SPECC1L: variants seen among roughly 807,000 people sequenced by gnomAD.
SPECC1L encodes sperm antigen with calponin homology and coiled-coil domains 1 like, also known as cytospin-A.
SPECC1L carries 40 observed loss-of-function variants against 116.8 expected under a neutral mutation model. That is an observed-to-expected ratio of 0.34 (90% CI 0.27 to 0.45). The LOEUF is 0.45. Ranked by LOEUF, SPECC1L falls within the 20% of genes least tolerant of loss-of-function variation. SPECC1L has a pLI of 1.00. For synonymous variants in SPECC1L, 504 were observed against 500.6 expected, an observed-to-expected ratio of 1.01 and a Z score of -0.09; for missense variants, 1,110 against 1,373.6, an observed-to-expected ratio of 0.81 and a Z score of 3.03.
chr22:24,414,625 C>A lies in SPECC1L; in HGVS notation c.*2C>A. ...ATCTACAAGTACTTTGAGACCTGAGCATGCCGGGAGGAGCCGCCCCAATAG... is the reference window on the plus strand; with the variant it reads ...ATCTACAAGTACTTTGAGACCTGAGAATGCCGGGAGGAGCCGCCCCAATAG... On this transcript the variant is annotated 3_prime_UTR_variant, in exon 17 of 17. Transcript: ENST00000314328. The A allele has an allele frequency of 1.2e-6, 2 of 1,613,656 alleles. No homozygotes were observed. Among genetic ancestry groups the A allele is most frequent in the Non-Finnish European group, 1.7e-6 (2 of 1,179,864 alleles).
Position 24,414,742 on chromosome 22 carries a change from C to A in SPECC1L, c.*119C>A. 9.5e-6 allele frequency: 8 copies of A among 840,038 alleles called. No homozygotes were observed. The South Asian group carries it at 1.0e-4, about 10-fold the overall frequency. 52.0% of individuals were successfully genotyped at this position (840,038 alleles called of 1,614,324 possible). A position where few individuals can be genotyped will look rare whatever the true frequency, so the allele number is the denominator to read the frequency against. On this transcript the variant is annotated 3_prime_UTR_variant, in exon 17 of 17. Transcript: ENST00000314328. ...CCAGCAACTCTGGGCTGCCCCACAGCGTGTGAGCCTCCAGCTCGGGGCTTC... is the reference window on the plus strand; with the variant it reads ...CCAGCAACTCTGGGCTGCCCCACAGAGTGTGAGCCTCCAGCTCGGGGCTTC...
At chr22:24,333,771 C>T (rs2040988945) in intron 8 of SPECC1L, among the ~76,000 whole-genome samples, 1 of 151,954 alleles carries the variant, frequency 6.6e-6, no homozygotes, top group Non-Finnish European at 1.5e-5. Context: ...CAGCACAGGA[C>T]CTGGAGAGTC....
chr22:24,347,288 G>C, intron 11 of SPECC1L, 112 bp downstream of exon 11: 1 of 773,414 alleles, frequency 1.3e-6, no homozygotes, highest in South Asian at 1.5e-5. Context: ...AATCAATCTG[G>C]TATACCTTTG....
At chr22:24,401,437 C>T (rs924376407) in intron 14 of SPECC1L, among the ~76,000 whole-genome samples, 2 of 152,214 alleles carry the variant, frequency 1.3e-5, no homozygotes, top group African/African-American at 4.8e-5. Context: ...GACTGGCTGC[C>T]TCTTTCTGTG....
At chr22:24,367,308 G>A (rs2041789461) in intron 13 of SPECC1L, among the ~76,000 whole-genome samples, 1 of 152,166 alleles carries the variant, frequency 6.6e-6, no homozygotes, top group Non-Finnish European at 1.5e-5. Flanking sequence ...GTGGTTTAGT[G>A]ATAGTATAAC....
At chr22:24,365,443 T>C in intron 12 of SPECC1L, 33 bp from the exon 13 acceptor site, 1 of 1,609,270 alleles carries the variant, frequency 6.2e-7, no homozygotes, top group Non-Finnish European at 8.5e-7. Context: ...AAAATGTTTT[T>C]GCTATAGAGT....
intron 5 of SPECC1L, 142 bp downstream of exon 5, chr22:24,323,060 G>T: frequency 1.4e-6 from 2 of 1,402,022 alleles, no homozygotes; most frequent in Non-Finnish European, 1.9e-6. Flanking sequence ...ACTTGGGAAT[G>T]GTTTCCTTTT....
At chr22:24,323,210 A>G (rs937666533) in intron 5 of SPECC1L, 10 of 657,782 alleles carry the variant, frequency 1.5e-5, no homozygotes, top group Non-Finnish European at 1.7e-5. Context: ...GAGTATTCCT[A>G]TGGAGCGGGT....
chr22:24,354,348 G>A (rs1298479629), intron 11 of SPECC1L, among the ~76,000 whole-genome samples: 2 of 152,068 alleles, frequency 1.3e-5, no homozygotes, highest in African/African-American at 2.4e-5. Context: ...GTGTTTCAGT[G>A]GTGGTTTTCT....
At chr22:24,325,644 T>C (rs1229001969) in intron 6 of SPECC1L, among the ~76,000 whole-genome samples, 20 of 151,866 alleles carry the variant, frequency 1.3e-4, no homozygotes. Flanking sequence ...AGAACAGTGA[T>C]TATGTGAATT....
At chr22:24,314,133 C>T (rs529788450) in intron 4 of SPECC1L, among the ~76,000 whole-genome samples, 2 of 152,252 alleles carry the variant, frequency 1.3e-5, no homozygotes, top group Admixed American at 6.5e-5. Context: ...CAAGCTTCGC[C>T]TCCTGGGTTG....
At chr22:24,376,728 T>C (rs1249497647) in intron 14 of SPECC1L, among the ~76,000 whole-genome samples, 1 of 152,070 alleles carries the variant, frequency 6.6e-6, no homozygotes, top group Non-Finnish European at 1.5e-5. Flanking sequence ...TCAAGTTTTG[T>C]TGAACGGCAG....
intron 4 of SPECC1L, 58 bp downstream of exon 4, chr22:24,313,524 G>T (rs747976883): frequency 6.2e-5 from 98 of 1,581,388 alleles, no homozygotes; most frequent in Non-Finnish European, 8.4e-5. Context: ...TGGGCATGAT[G>T]CATTGGTGTT....
intron 11 of SPECC1L, among the ~76,000 whole-genome samples, chr22:24,355,323 C>A (rs557754695): frequency 6.7e-6 from 1 of 149,694 alleles, no homozygotes; most frequent in African/African-American, 2.4e-5. Context: ...GATCCAGGTG[C>A]TAAATGTGCT....
chr22:24,292,545 G>T (rs2049174508), intron 2 of SPECC1L, among the ~76,000 whole-genome samples: 1 of 152,156 alleles, frequency 6.6e-6, no homozygotes, highest in Non-Finnish European at 1.5e-5. Flanking sequence ...GTGATTAAGT[G>T]ATTTGTCCAG....
rs528830577 is a variant in SPECC1L, at chr22:24,307,280, A to G, written c.153+4896A>G. On this transcript the variant is annotated intron_variant, in intron 3 of 16. Transcript: ENST00000314328. ...CCATTTGCAGTACATAAGGGTTCCA[A>G]TTTTTTCGCGTCCTCTGCAATAGTT... 3.3e-5 allele frequency among the ~76,000 whole-genome samples: 5 copies of G among 152,196 alleles called. No individual in the cohort carries two copies. In the South Asian group the frequency reaches 6.2e-4, roughly 19 times the overall value.
rs144274848 is a variant in SPECC1L, at chr22:24,321,651, A to C, written c.671A>C (p.Glu224Ala). The C allele has an allele frequency of 3.7e-6, 6 of 1,614,120 alleles. No individual in the cohort carries two copies. Among genetic ancestry groups the C allele is most frequent in the South Asian group, 2.2e-5 (2 of 91,096 alleles). The part of the protein sequence containing the change: ...GINEDHSEGD[E>A]KSEKETIMAH... Reference sequence around the variant, plus strand: ...AATGAGGATCATTCTGAGGGTGATGAAAAATCTGAGAAGGAAACTATTATG... The same window carrying C: ...AATGAGGATCATTCTGAGGGTGATGCAAAATCTGAGAAGGAAACTATTATG... Residue 224 changes from glutamate to alanine, a missense_variant, in exon 5 of 17, where the codon GAA becomes GCA. Around this residue, in one of 4 missense-constraint regions of SPECC1L, gnomAD observed 437 missense variants for 482.6 expected, o/e 0.91. Transcript: ENST00000314328.
chr22:24,293,293 A>C (rs2049191332), intron 2 of SPECC1L, among the ~76,000 whole-genome samples: 1 of 152,154 alleles, frequency 6.6e-6, no homozygotes, highest in African/African-American at 2.4e-5. Context: ...TCTCTACTAC[A>C]AGTACAAAAA....
intron 11 of SPECC1L, among the ~76,000 whole-genome samples, chr22:24,354,273 T>C (rs1330585130): frequency 6.6e-6 from 1 of 152,252 alleles, no homozygotes; most frequent in Non-Finnish European, 1.5e-5. Context: ...TTGTTCCTTC[T>C]TAAACTTTCT....
Sources: allele counts gnomAD v4.1 joint callset (sites outside exome capture counted in the v4.1 genomes callset), GRCh38; gene constraint gnomAD v4.1.1; regional missense constraint gnomAD v4.1.1; transcripts MANE v1.5; gene names NCBI Gene and HGNC (gene_info 2026-07-23, HGNC 2026-07-21).